ST6GAL1: variants seen among roughly 807,000 people sequenced by gnomAD.
ST6GAL1 encodes ST6 beta-galactoside alpha-2,6-sialyltransferase 1.
ST6GAL1 carries 20 observed loss-of-function variants against 38.0 expected under a neutral mutation model. That is an observed-to-expected ratio of 0.53 (90% confidence interval 0.37 to 0.77). The LOEUF (loss-of-function observed/expected upper bound fraction) is 0.77. ST6GAL1 is among the 30% of genes least tolerant of loss of function. The pLI, the probability that ST6GAL1 is intolerant of heterozygous loss-of-function variation, is 0.00. For missense variants in ST6GAL1, 432 were observed against 496.4 expected (o/e 0.87, Z 1.23); for synonymous variants, 196 against 188.2 (o/e 1.04, Z -0.34).
chr3:186,945,697 C>A (rs564675439), intron 1 of ST6GAL1, among the ~76,000 whole-genome samples: 72 of 152,068 alleles, frequency 4.7e-4, no homozygotes, highest in Non-Finnish European at 7.5e-4. Context: ...TAGAAGTGTA[C>A]CTTTTCCGGC....
intron 5 of ST6GAL1, among the ~76,000 whole-genome samples, chr3:187,070,719 G>A (rs757468127): frequency 6.6e-6 from 1 of 151,974 alleles, no homozygotes; most frequent in Admixed American, 6.6e-5. Context: ...CACCGCACCC[G>A]GCCCAACACT....
intron 5 of ST6GAL1, 119 bp downstream of exon 5, chr3:187,051,465 G>A (rs1718511657): frequency 1.2e-6 from 1 of 826,658 alleles, no homozygotes; most frequent in Non-Finnish European, 1.9e-6. Flanking sequence ...ATCTTCCTGA[G>A]TTCCTGATTC....
intron 2 of ST6GAL1, among the ~76,000 whole-genome samples, chr3:187,029,330 A>T (rs936845233): frequency 6.6e-6 from 1 of 152,166 alleles, no homozygotes; most frequent in African/African-American, 2.4e-5. Flanking sequence ...GTTTTCTAGA[A>T]CAACTTTCTT....
intron 5 of ST6GAL1, among the ~76,000 whole-genome samples, chr3:187,060,844 T>C (rs943993895): frequency 1.3e-5 from 2 of 152,192 alleles, no homozygotes; most frequent in African/African-American, 4.8e-5. Context: ...AGCTGCAGGC[T>C]GGAAATACTA....
chr3:186,984,743 C>CTCCCTTCCTTCCTTCCTTCT, intron 2 of ST6GAL1, among the ~76,000 whole-genome samples: 1 of 28,492 alleles, frequency 3.5e-5, no homozygotes, highest in Non-Finnish European at 7.1e-5. Flanking sequence ...TCCTTCCTTC[C>CTCCCTTCCTTCCTTCCTTCT]CTCCCTCCCT....
At position 187,028,820 on chromosome 3, in the gene ST6GAL1, C is replaced by T. The variant is rs1344566224; in HGVS notation, c.-182-9922C>T. 5.9e-5 allele frequency among the ~76,000 whole-genome samples: 9 copies of T among 152,050 alleles called. No homozygotes were observed. In the East Asian group the frequency reaches 1.7e-3, roughly 29 times the overall value. On this transcript the variant is annotated intron_variant, in intron 2 of 7. Coordinates refer to ENST00000169298, the MANE Select transcript of ST6GAL1 (RefSeq NM_173216.2). ...CTTCTGGATTTGTCTGATAATTTTC[C>T]TTTGGCGCTATTTGACTTGTTCTTC... is the stretch of plus-strand genomic sequence containing the variant.
intron 1 of ST6GAL1, among the ~76,000 whole-genome samples, chr3:186,956,746 C>G (rs1418965399): frequency 1.3e-5 from 2 of 152,196 alleles, no homozygotes; most frequent in Non-Finnish European, 2.9e-5. Flanking sequence ...CCCGTAAGAT[C>G]CACCAGTTCA....
intron 5 of ST6GAL1, among the ~76,000 whole-genome samples, chr3:187,060,492 A>G (rs1718877091): frequency 6.6e-6 from 1 of 152,094 alleles, no homozygotes; most frequent in South Asian, 2.1e-4. Flanking sequence ...GCATGATCAG[A>G]TTTGCATTTT....
Position 187,051,298 on chromosome 3 carries a change from C to G in ST6GAL1, c.657C>G (p.Phe219Leu). 6.2e-7 allele frequency: 1 copy of G among 1,614,126 alleles called. No individual in the cohort carries two copies. Among genetic ancestry groups the G allele is most frequent in the Admixed American group, 1.7e-5 (1 of 60,016 alleles). The change falls in exon 5 of 8, where the codon TTC (phenylalanine) becomes TTG (leucine). Residue 219 changes from phenylalanine (F) to leucine (L), a missense_variant. Phe to Leu is a conservative substitution (Grantham distance 22). Transcript: ENST00000169298. ...TTAATGGGGCACCCACAGCCAACTT[C>G]CAACAAGATGTGGGCACAAAAACTA... ...LRFNGAPTAN[F>L]QQDVGTKTTI...
chr3:187,059,451 A>T (rs919615945), intron 5 of ST6GAL1, among the ~76,000 whole-genome samples: 6 of 152,208 alleles, frequency 3.9e-5, no homozygotes, highest in Non-Finnish European at 8.8e-5. Flanking sequence ...TCTATATAAG[A>T]TGCTACCTAA....
chr3:186,996,413 T>C (rs1716407525), intron 2 of ST6GAL1: 1 of 152,212 alleles, frequency 6.6e-6, no homozygotes, highest in South Asian at 2.1e-4. Context: ...TTTGTGGCCT[T>C]GGAAGGGGGT....
At chr3:186,992,736 C>T (rs1215284058) in intron 2 of ST6GAL1, among the ~76,000 whole-genome samples, 1 of 152,150 alleles carries the variant, frequency 6.6e-6, no homozygotes, top group Non-Finnish European at 1.5e-5. Flanking sequence ...GCAGAGGTTG[C>T]AGTGAGCTGA....
At chr3:186,987,200 G>GAGGGAAGGA (rs1553821932) in intron 2 of ST6GAL1, among the ~76,000 whole-genome samples, 8,265 of 138,720 alleles carry the variant, frequency 0.06, 290 homozygotes, top group African/African-American at 0.092. Flanking sequence ...GGGAGGGAGG[G>GAGGGAAGGA]AAGGAAAGAA....
At chr3:186,943,568 G>T (rs1211872156) in intron 1 of ST6GAL1, among the ~76,000 whole-genome samples, 1 of 152,066 alleles carries the variant, frequency 6.6e-6, no homozygotes, top group Non-Finnish European at 1.5e-5. Context: ...CCCTGTCTCA[G>T]CCTCCTGAGT....
intron 2 of ST6GAL1, among the ~76,000 whole-genome samples, chr3:187,022,658 A>C (rs186359250): frequency 6.6e-6 from 1 of 152,278 alleles, no homozygotes; most frequent in East Asian, 1.9e-4. Flanking sequence ...AGACATTAAT[A>C]TCGATTCTCT....
Position 186,938,841 on chromosome 3 carries a change from TC to T in ST6GAL1, c.-325+8010del, listed in dbSNP as rs763949405. 8.9e-4 allele frequency among the ~76,000 whole-genome samples: 136 copies of T among 152,200 alleles called. 1 individual carries two copies. Among genetic ancestry groups the T allele is most frequent in the Non-Finnish European group, 1.3e-3 (91 of 67,990 alleles). Reference sequence around the variant, plus strand: ...CAACCCCAGATTACGTGCAAGTACATCCCAGACATCTTATCAGCCGAGCCAT... The same window carrying T: ...CAACCCCAGATTACGTGCAAGTACATCCAGACATCTTATCAGCCGAGCCAT... On this transcript the variant is annotated intron_variant, in intron 1 of 7. Coordinates refer to ENST00000169298, the MANE Select transcript of ST6GAL1 (RefSeq NM_173216.2).
intron 2 of ST6GAL1, among the ~76,000 whole-genome samples, chr3:187,034,738 A>G (rs35316168): frequency 0.081 from 12,402 of 152,302 alleles, 604 homozygotes; most frequent in African/African-American, 0.13. Context: ...GAAACTAGGC[A>G]TCAAAGGCAC....
chr3:187,049,535 C>G (rs899169986), intron 4 of ST6GAL1, among the ~76,000 whole-genome samples: 1 of 152,214 alleles, frequency 6.6e-6, no homozygotes, highest in Admixed American at 6.5e-5. Context: ...CTCCTAAAGG[C>G]AACAGCTCCC....
chr3:187,074,790 T>C (rs1486721195), intron 7 of ST6GAL1, among the ~76,000 whole-genome samples: 1 of 152,040 alleles, frequency 6.6e-6, no homozygotes, highest in Non-Finnish European at 1.5e-5. Flanking sequence ...GCAAGGCACT[T>C]TTCTCAGGTG....
Sources: allele counts gnomAD v4.1 joint callset (sites outside exome capture counted in the v4.1 genomes callset), GRCh38; gene constraint gnomAD v4.1.1; transcripts MANE v1.5; gene names NCBI Gene and HGNC (gene_info 2026-07-23, HGNC 2026-07-21).